The following CARS2 variants were observed in gnomAD, a reference collection of about 807,000 sequenced individuals.
The protein encoded by CARS2 is cysteinyl-tRNA synthetase 2, mitochondrial, also known as probable cysteine--tRNA ligase, mitochondrial.
In CARS2, 52 loss-of-function variants were observed where a neutral mutation model predicts 68.8. The ratio of observed to expected loss-of-function variants is 0.76; its 90% CI spans 0.61 to 0.95. CARS2 has a LOEUF of 0.95. CARS2 is among the 40% of genes least tolerant of loss of function. The pLI is 0.00. For missense variants in CARS2, 780 were observed against 754.2 expected (o/e 1.03, Z -0.40); for synonymous variants, 314 against 303.6 (o/e 1.03, Z -0.36).
chr13:110,706,060 G>A lies in CARS2; in HGVS notation c.34C>T (p.Pro12Ser). Residue 12 changes from proline (P) to serine (S), a missense_variant, in exon 1 of 15, where the codon CCC becomes TCC. Pro to Ser is a moderately conservative substitution (Grantham distance 74). Transcript: ENST00000257347. ...CCCAGCGCGGCCTGGAGCAGCGGGG[G>A]GCCCAGGCCTGGGCCGCGCGTAGTC... ...LRTTRGPGLGPPLLQAALGLG... is the reference protein window; with the variant it reads ...LRTTRGPGLGSPLLQAALGLG... The A allele has an allele frequency of 2.9e-6, 4 of 1,355,982 alleles. No individual in the cohort carries two copies. Among genetic ancestry groups the A allele is most frequent in the South Asian group, 1.8e-5 (1 of 54,508 alleles). 84.0% of individuals were successfully genotyped at this position (1,355,982 alleles called of 1,614,324 possible).
At chr13:110,646,254 G>A (rs1342652996) in intron 11 of CARS2, 164 bp from the exon 12 acceptor site, 1 of 713,780 alleles carries the variant, frequency 1.4e-6, no homozygotes, top group African/African-American at 1.8e-5. Flanking sequence ...AGAAAATTAT[G>A]TAACATCAAC....
Position 110,651,066 on chromosome 13 carries a change from C to T in CARS2, c.1022G>A (p.Arg341Gln), listed in dbSNP as rs753004657. ...FLKTFSPDVF[R>Q]FFCLRSSYRS... ...GTAGCTGCTCCGCAGGCAGAAGAAC[C>T]GGAAGACATCGGGGGAAAAGGTCTT... is the stretch of plus-strand genomic sequence containing the variant. The change falls in exon 10 of 15, where the codon CGG (arginine) becomes CAG (glutamine). Residue 341 changes from arginine to glutamine, a missense_variant. Arg to Gln is a conservative substitution (Grantham distance 43, BLOSUM62 1). Coordinates refer to ENST00000257347, the MANE Select transcript of CARS2 (RefSeq NM_024537.4). The T allele has an allele frequency of 9.9e-6, 16 of 1,613,384 alleles. No homozygotes were observed. The highest frequency in any genetic ancestry group is 2.2e-5 in the East Asian group (1 of 44,870).
chr13:110,692,477 A>T (rs1594389811), intron 3 of CARS2, among the ~76,000 whole-genome samples: 2 of 152,030 alleles, frequency 1.3e-5, no homozygotes, highest in Admixed American at 1.3e-4. Flanking sequence ...GTCTCAAAAA[A>T]AAAAATTAAT....
intron 7 of CARS2, among the ~76,000 whole-genome samples, chr13:110,669,954 G>A (rs767244220): frequency 9.9e-5 from 15 of 152,202 alleles, no homozygotes; most frequent in South Asian, 4.1e-4. Context: ...ACGGAGCCTC[G>A]CTCACTGCTA....
chr13:110,657,399 C>T lies in CARS2; in HGVS notation c.987+6052G>A, dbSNP rs1203451938. Among the ~76,000 whole-genome samples the T allele has an allele frequency of 3.9e-5, 6 of 152,266 alleles. No individual in the cohort carries two copies. The South Asian group carries it at 6.2e-4, about 16-fold the overall frequency. Reference sequence around the variant, plus strand: ...AAGGCAGGGTGGCTGCTTGGAGAAACGGCAGGTCTGGGTAGGAAAGCAAAA... The same window carrying T: ...AAGGCAGGGTGGCTGCTTGGAGAAATGGCAGGTCTGGGTAGGAAAGCAAAA... On this transcript the variant is annotated intron_variant, in intron 9 of 14. Coordinates refer to ENST00000257347, the MANE Select transcript of CARS2 (RefSeq NM_024537.4).
chr13:110,706,315 C>G (rs1011126437), upstream of CARS2: 26 of 309,108 alleles, frequency 8.4e-5, no homozygotes, highest in Non-Finnish European at 1.3e-4. Flanking sequence ...GGGGAAGGCC[C>G]GGGGTGGAGG....
intron 1 of CARS2, among the ~76,000 whole-genome samples, chr13:110,711,871 G>A (rs969369315): frequency 6.6e-6 from 1 of 152,250 alleles, no homozygotes; most frequent in African/African-American, 2.4e-5. Context: ...GAGCACCACT[G>A]CGGTTAATAA....
chr13:110,698,481 T>C (rs147444559), intron 3 of CARS2, among the ~76,000 whole-genome samples: 109 of 151,650 alleles, frequency 7.2e-4, no homozygotes, highest in African/African-American at 2.5e-3. Context: ...GATAGCACCA[T>C]TGCACTCCAG....
At chr13:110,690,059 G>A (rs1260638070) in intron 3 of CARS2, among the ~76,000 whole-genome samples, 1 of 151,902 alleles carries the variant, frequency 6.6e-6, no homozygotes, top group Non-Finnish European at 1.5e-5. Context: ...AAACCCCGTT[G>A]CTACTGAAAA....
intron 4 of CARS2, 39 bp downstream of exon 4, chr13:110,687,908 G>GC: frequency 6.3e-7 from 1 of 1,582,066 alleles, no homozygotes; most frequent in Non-Finnish European, 8.7e-7. Context: ...GCTCACGCCT[G>GC]TCACCCTCAT....
chr13:110,658,765 A>C lies in CARS2; in HGVS notation c.987+4686T>G, dbSNP rs553776913. Among the ~76,000 whole-genome samples, 14 of 152,154 alleles carry C rather than the reference A, an allele frequency of 9.2e-5. No homozygotes were observed. In the South Asian group the frequency reaches 2.9e-3, roughly 32 times the overall value. ...TGGTGAAACCCTGTCTCTACTAAAC[A>C]AAACAAAACAAAAATTAGCCAGGCA... On this transcript the variant is annotated intron_variant, in intron 9 of 14. Coordinates refer to ENST00000257347, the MANE Select transcript of CARS2 (RefSeq NM_024537.4).
chr13:110,644,598 T>A, intron 12 of CARS2, 115 bp from the exon 13 acceptor site: 1 of 1,505,356 alleles, frequency 6.6e-7, no homozygotes. Context: ...CTGGCCTTTC[T>A]CCTGGCTTCT....
chr13:110,712,597 G>C (rs1345562046), intron 1 of CARS2: 3 of 416,910 alleles, frequency 7.2e-6, no homozygotes, highest in Non-Finnish European at 1.4e-5. Flanking sequence ...AGGCTTCTCA[G>C]AAAGCCCAAA....
At chr13:110,642,845 T>C (rs924495261) in intron 13 of CARS2, 2 of 589,534 alleles carry the variant, frequency 3.4e-6, no homozygotes, top group African/African-American at 3.7e-5. Flanking sequence ...CCTCACGCAA[T>C]TGTGGCCGAG....
chr13:110,646,632 C>G (rs1200717069), intron 11 of CARS2: 1 of 165,014 alleles, frequency 6.1e-6, no homozygotes, highest in Admixed American at 6.1e-5. Flanking sequence ...GGGCCCAGGC[C>G]TGTGTGTTTT....
chr13:110,705,831 G>A lies in CARS2; in HGVS notation c.224+39C>T. 6.5e-7 allele frequency: 1 copy of A among 1,528,644 alleles called. No homozygotes were observed. Among genetic ancestry groups the A allele is most frequent in the Non-Finnish European group, 8.8e-7 (1 of 1,138,756 alleles). 94.7% of individuals were successfully genotyped at this position (1,528,644 alleles called of 1,614,324 possible). ...TTCAGCCGTGGGAAGTCTCCGCCACGATCGGCCCCCGCCCGTGCCCCAGTC... is the reference window on the plus strand; with the variant it reads ...TTCAGCCGTGGGAAGTCTCCGCCACAATCGGCCCCCGCCCGTGCCCCAGTC... On this transcript the variant is annotated intron_variant, in intron 1 of 14. Coordinates refer to ENST00000257347, the MANE Select transcript of CARS2 (RefSeq NM_024537.4). The surrounding 1 kb of genome is among the most constrained non-coding windows in gnomAD (Gnocchi z 4.0).
At chr13:110,712,887 C>G in intron 1 of CARS2, 2 of 1,424,102 alleles carry the variant, frequency 1.4e-6, no homozygotes, top group Non-Finnish European at 9.6e-7. Context: ...AACTGAGTAC[C>G]GGGAGACGAC....
Position 110,665,190 on chromosome 13 carries a change from T to C in CARS2, c.920-1672A>G. Reference sequence around the variant, plus strand: ...CACCACGTGCAGTGGCTCACGCCTATAATCCCAGCACTTTGGGAGGCAGAG... The same window carrying C: ...CACCACGTGCAGTGGCTCACGCCTACAATCCCAGCACTTTGGGAGGCAGAG... On this transcript the variant is annotated intron_variant, in intron 8 of 14. Coordinates refer to ENST00000257347, the MANE Select transcript of CARS2 (RefSeq NM_024537.4). The surrounding 1 kb of genome is among the most constrained non-coding windows in gnomAD (Gnocchi z 4.3). 1.0e-6 allele frequency: 1 copy of C among 982,374 alleles called. No individual in the cohort carries two copies. The highest frequency in any genetic ancestry group is 5.2e-4 in the Middle Eastern group (1 of 1,910). The allele number at this position is 982,374 out of a possible 1,614,324, so 60.9% of individuals were successfully genotyped here.
chr13:110,696,382 C>T (rs1260075272), intron 3 of CARS2, among the ~76,000 whole-genome samples: 1 of 152,176 alleles, frequency 6.6e-6, no homozygotes, highest in African/African-American at 2.4e-5. Flanking sequence ...TTTACACTCC[C>T]ACCAACAGTG....
Sources: allele counts gnomAD v4.1 joint callset (sites outside exome capture counted in the v4.1 genomes callset), GRCh38; gene constraint gnomAD v4.1.1; non-coding constraint Gnocchi (gnomAD v3.1); transcripts MANE v1.5; gene names NCBI Gene and HGNC (gene_info 2026-07-23, HGNC 2026-07-21).